The following CPAMD8 variants were observed in gnomAD, a reference collection of about 807,000 sequenced individuals.
CPAMD8 encodes C3 and PZP like alpha-2-macroglobulin domain containing 8, also known as C3 and PZP-like alpha-2-macroglobulin domain-containing protein 8.
CPAMD8 carries 146 observed loss-of-function variants against 224.7 expected under a neutral mutation model. The ratio of observed to expected loss-of-function variants is 0.65; its 90% CI spans 0.57 to 0.75. The LOEUF is 0.75. CPAMD8 is among the 30% of genes least tolerant of loss of function. CPAMD8 has a pLI of 0.00. For synonymous variants in CPAMD8, 966 were observed against 1,044.6 expected (o/e 0.92, Z 1.45); for missense variants, 2,301 against 2,537.5 (o/e 0.91, Z 2.00).
At chr19:16,902,466 G>A (rs2052298609) in intron 35 of CPAMD8, among the ~76,000 whole-genome samples, 183 bp downstream of exon 35, 2 of 152,010 alleles carry the variant, frequency 1.3e-5, no homozygotes, top group African/African-American at 4.8e-5. Flanking sequence ...GCAGTGAGCC[G>A]AGATCGCACC....
chr19:16,967,683 C>A (rs1471382779), intron 18 of CPAMD8, among the ~76,000 whole-genome samples: 4 of 151,352 alleles, frequency 2.6e-5, no homozygotes, highest in Non-Finnish European at 5.9e-5. Context: ...GTGGTGGGTG[C>A]CTGTAGTCCC....
intron 23 of CPAMD8, among the ~76,000 whole-genome samples, chr19:16,933,595 A>T (rs2053605883): frequency 6.6e-6 from 1 of 152,254 alleles, no homozygotes; most frequent in Non-Finnish European, 1.5e-5. Flanking sequence ...TATGCTTAAG[A>T]TCATCAGTCA....
At chr19:16,906,670 C>T (rs1186114064) in intron 30 of CPAMD8, among the ~76,000 whole-genome samples, 1 of 151,932 alleles carries the variant, frequency 6.6e-6, no homozygotes, top group Admixed American at 6.6e-5. Context: ...GAATTACAGG[C>T]GTGAGCCACC....
chr19:16,909,287 G>C lies in CPAMD8; in HGVS notation c.3862-2170C>G, dbSNP rs1013562601. On this transcript the variant is annotated intron_variant, in intron 29 of 41. Transcript: ENST00000443236. ...TGGCTGGGCACGGTGGCTCACGCCT[G>C]TAATCCCAGCACTTTGTGAGGCCGA... is the stretch of plus-strand genomic sequence containing the variant. Among the ~76,000 whole-genome samples, 5 of 152,172 alleles carry C rather than the reference G, an allele frequency of 3.3e-5. No homozygotes were observed. The South Asian group carries it at 8.3e-4, about 25-fold the overall frequency.
chr19:16,962,412 C>T (rs2054687231), intron 18 of CPAMD8, among the ~76,000 whole-genome samples: 2 of 151,880 alleles, frequency 1.3e-5, no homozygotes, highest in African/African-American at 4.8e-5. Flanking sequence ...TTTCAATAGC[C>T]GATTCGATCA....
In CPAMD8 at chr19:16,927,680, C is replaced by T. The variant is rs543710504; in HGVS notation, c.3370+329G>A. On this transcript the variant is annotated intron_variant, in intron 25 of 41. Coordinates refer to ENST00000443236, the MANE Select transcript of CPAMD8 (RefSeq NM_015692.5). ...TTGGATCTTGTCCTTGGCCCACTGC[C>T]CTCACAGGGTTCACTGCAGGTTCTT... Among the ~76,000 whole-genome samples the T allele has an allele frequency of 5.3e-5, 8 of 152,306 alleles. No individual in the cohort carries two copies. The South Asian group carries it at 1.7e-3, about 32-fold the overall frequency.
At chr19:16,940,699 G>A (rs1462915780) in intron 22 of CPAMD8, among the ~76,000 whole-genome samples, 1 of 152,146 alleles carries the variant, frequency 6.6e-6, no homozygotes, top group African/African-American at 2.4e-5. Flanking sequence ...GTGCTGAGAG[G>A]CTGAGGACAC....
chr19:16,906,853 G>C, intron 30 of CPAMD8, 99 bp downstream of exon 30: 6 of 1,210,414 alleles, frequency 5.0e-6, no homozygotes, highest in Non-Finnish European at 7.0e-6. Context: ...GGGACTACAT[G>C]ACTCGTCAGT....
chr19:16,989,070 C>G (rs752108238), intron 13 of CPAMD8, among the ~76,000 whole-genome samples: 3 of 152,172 alleles, frequency 2.0e-5, no homozygotes, highest in Non-Finnish European at 2.9e-5. Context: ...AAAACAAGCT[C>G]AGGGCTCCCA....
At position 16,925,275 on chromosome 19, in the gene CPAMD8, G is replaced by A. The variant is rs778594663; in HGVS notation, c.3468C>T (p.Val1156=). 5.0e-6 allele frequency: 8 copies of A among 1,614,124 alleles called. No individual in the cohort carries two copies. Among genetic ancestry groups the A allele is most frequent in the Non-Finnish European group, 3.4e-6 (4 of 1,180,048 alleles). The change falls in exon 26 of 42, where the codon GTC becomes GTT. Residue 1156 remains valine (V), a synonymous_variant. Coordinates refer to ENST00000443236, the MANE Select transcript of CPAMD8 (RefSeq NM_015692.5). ...EQNMIHFAPN[V]FVLKYLQKTQ... is the part of the protein sequence containing the mutation. Reference sequence around the variant, plus strand: ...TTTTCTGAAGATACTTCAAGACAAAGACGTTGGGTGCAAAGTGGATCATGT... The same window carrying A: ...TTTTCTGAAGATACTTCAAGACAAAAACGTTGGGTGCAAAGTGGATCATGT...
chr19:16,908,697 T>A (rs1254380405), intron 29 of CPAMD8, among the ~76,000 whole-genome samples: 1 of 152,212 alleles, frequency 6.6e-6, no homozygotes, highest in Non-Finnish European at 1.5e-5. Context: ...ATAGAAAGAA[T>A]GTTTCCAAAG....
intron 18 of CPAMD8, among the ~76,000 whole-genome samples, chr19:16,969,198 T>C (rs2054961980): frequency 6.6e-6 from 1 of 152,158 alleles, no homozygotes; most frequent in Non-Finnish European, 1.5e-5. Context: ...CTCTTCCATA[T>C]CCCTAATCTT....
At chr19:16,906,351 TTTCTTTCTTTCTTTC>T (rs1318001210) in intron 30 of CPAMD8, among the ~76,000 whole-genome samples, 65 of 34,446 alleles carry the variant, frequency 1.9e-3, no homozygotes, top group African/African-American at 7.3e-3. Flanking sequence ...TCTTTCTTTC[TTTCTTTCTTTCTTTC>T]TTTCTTTCTT....
rs569094869 is a variant in CPAMD8, at chr19:16,937,369, G to A, written c.2845+1026C>T. ...AGATGGGATTTCACCATGTTGCCCA[G>A]GCTGTCCTGTGTTTTTTTCTAAAAG... On this transcript the variant is annotated intron_variant, in intron 23 of 41. Transcript: ENST00000443236. Among the ~76,000 whole-genome samples, 9 of 152,214 alleles carry A rather than the reference G, an allele frequency of 5.9e-5. No individual in the cohort carries two copies. In the South Asian group the frequency reaches 1.5e-3, roughly 25 times the overall value.
intron 18 of CPAMD8, among the ~76,000 whole-genome samples, chr19:16,970,614 C>T (rs1450484865): frequency 6.6e-6 from 1 of 151,726 alleles, no homozygotes; most frequent in Non-Finnish European, 1.5e-5. Context: ...AAAAAGGCTC[C>T]AGAGAGCTCC....
chr19:17,006,520 C>T (rs1225906961), intron 7 of CPAMD8, among the ~76,000 whole-genome samples: 3 of 150,000 alleles, frequency 2.0e-5, no homozygotes, highest in Non-Finnish European at 4.4e-5. Flanking sequence ...GAGAGAGAAC[C>T]TGCCTCTTGA....
At chr19:16,935,558 C>G (rs1196040721) in intron 23 of CPAMD8, among the ~76,000 whole-genome samples, 3 of 152,094 alleles carry the variant, frequency 2.0e-5, no homozygotes, top group Non-Finnish European at 4.4e-5. Context: ...AAGATTCATC[C>G]AAGTTGTTTT....
chr19:16,967,297 C>T (rs2054858777), intron 18 of CPAMD8, among the ~76,000 whole-genome samples: 1 of 143,758 alleles, frequency 7.0e-6, no homozygotes. Flanking sequence ...AATGAGAACA[C>T]CTGGACACAG....
chr19:17,021,922 C>G, intron 2 of CPAMD8, 108 bp downstream of exon 2: 1 of 484,434 alleles, frequency 2.1e-6, no homozygotes, highest in Non-Finnish European at 3.5e-6. Context: ...GGATTTAGGG[C>G]AGAAGGGAAG....
Sources: gnomAD v4.1 joint callset for allele counts (sites outside exome capture counted in the v4.1 genomes callset) on GRCh38, gnomAD v4.1.1 for gene constraint, MANE v1.5 for transcripts, NCBI Gene and HGNC (gene_info 2026-07-23, HGNC 2026-07-21) for gene names.